PGGT1B: variants seen among roughly 807,000 people sequenced by gnomAD.
PGGT1B encodes geranylgeranyl transferase type-1 subunit beta.
PGGT1B carries 30 observed loss-of-function variants against 46.1 expected under a neutral mutation model. That is an observed-to-expected ratio of 0.65 (90% confidence interval 0.49 to 0.88). The LOEUF (loss-of-function observed/expected upper bound fraction) is 0.88. PGGT1B is among the 40% of genes least tolerant of loss of function. The pLI is 0.00. For missense variants in PGGT1B, 376 were observed against 455.9 expected, an observed-to-expected ratio of 0.82 and a Z score of 1.60; for synonymous variants, 170 against 160.0, an observed-to-expected ratio of 1.06 and a Z score of -0.47.
At chr5:115,235,056 A>C (rs1757134182) in intron 5 of PGGT1B, among the ~76,000 whole-genome samples, 2 of 152,004 alleles carry the variant, frequency 1.3e-5, no homozygotes, top group South Asian at 4.1e-4. Flanking sequence ...TCCAGAGCTG[A>C]GGATGGAAAA....
At chr5:115,226,709 G>C (rs1756795551) in intron 6 of PGGT1B, among the ~76,000 whole-genome samples, 1 of 151,838 alleles carries the variant, frequency 6.6e-6, no homozygotes, top group South Asian at 2.1e-4. Context: ...ATTGTACAAG[G>C]GCATATGGAA....
In PGGT1B at chr5:115,262,537, T is replaced by G. The variant is rs140909978; in HGVS notation, c.140+175A>C. On this transcript the variant is annotated intron_variant, in intron 1 of 8. Coordinates refer to ENST00000419445, the MANE Select transcript of PGGT1B (RefSeq NM_005023.4). ...CCCTCGACCTACAGCCTTCCAGACC[T>G]TCCCACCGTACGGCGGGAGAGTGGG... 1.3e-5 allele frequency: 9 copies of G among 684,760 alleles called. No homozygotes were observed. In the Admixed American group the frequency reaches 2.3e-4, roughly 18 times the overall value. The allele number at this position is 684,760 out of a possible 1,614,324, so 42.4% of individuals were successfully genotyped here. A position where few individuals can be genotyped will look rare whatever the true frequency, so the allele number is the denominator to read the frequency against.
intron 1 of PGGT1B, among the ~76,000 whole-genome samples, chr5:115,259,497 G>A (rs902960981): frequency 2.0e-5 from 3 of 152,024 alleles, no homozygotes; most frequent in Non-Finnish European, 4.4e-5. Flanking sequence ...AGACCATCCT[G>A]GCCAACATGG....
At position 115,205,170 on chromosome 5, in the gene PGGT1B, C is replaced by G. The variant is rs868785319; in HGVS notation, c.*7232G>C. On this transcript the variant is annotated 3_prime_UTR_variant, in exon 9 of 9. Transcript: ENST00000419445. The stretch of plus-strand genomic sequence containing the variant: ...AATGAGAGGGAAATTGGCTTTGAGC[C>G]TAAATTCATAATCTTTTACTTTTTC... 4 of 152,108 alleles carry G rather than the reference C, an allele frequency of 2.6e-5. No individual in the cohort carries two copies. Among genetic ancestry groups the G allele is most frequent in the African/African-American group, 9.7e-5 (4 of 41,442 alleles). 9.4% of individuals were successfully genotyped at this position (152,108 alleles called of 1,614,324 possible). A position where few individuals can be genotyped will look rare whatever the true frequency, so the allele number is the denominator to read the frequency against.
intron 1 of PGGT1B, among the ~76,000 whole-genome samples, chr5:115,262,174 A>G (rs1748585323): frequency 1.3e-5 from 2 of 152,180 alleles, no homozygotes; most frequent in Admixed American, 1.3e-4. Flanking sequence ...CTCTTCAGCT[A>G]TTGCGATACT....
intron 1 of PGGT1B, among the ~76,000 whole-genome samples, chr5:115,254,944 G>T (rs990599852): frequency 6.6e-6 from 1 of 152,054 alleles, no homozygotes; most frequent in African/African-American, 2.4e-5. Flanking sequence ...TCCTTTATGT[G>T]GGAAGCAGTG....
chr5:115,212,660 T>C (rs1368979076), intron 8 of PGGT1B, 77 bp from the exon 9 acceptor site: 2 of 948,420 alleles, frequency 2.1e-6, no homozygotes, highest in East Asian at 5.2e-5. Flanking sequence ...GCCACATATT[T>C]ACCAGCCCAT....
At chr5:115,234,724 G>T (rs1561477879) in intron 5 of PGGT1B, among the ~76,000 whole-genome samples, 1 of 151,944 alleles carries the variant, frequency 6.6e-6, no homozygotes, top group Non-Finnish European at 1.5e-5. Context: ...TAGGAGCCAG[G>T]ACTGCTTGTC....
At position 115,206,873 on chromosome 5, in the gene PGGT1B, C is replaced by G. The variant is rs1756081462; in HGVS notation, c.*5529G>C. On this transcript the variant is annotated 3_prime_UTR_variant, in exon 9 of 9. Coordinates refer to ENST00000419445, the MANE Select transcript of PGGT1B (RefSeq NM_005023.4). ...ATGGCTGGTCCCCTCTAATTCTTTTCAGTTTCCATGGTTATTCTAGTATGT... is the reference window on the plus strand; with the variant it reads ...ATGGCTGGTCCCCTCTAATTCTTTTGAGTTTCCATGGTTATTCTAGTATGT... The G allele has an allele frequency of 6.6e-6, 1 of 151,690 alleles. No individual in the cohort carries two copies. Among genetic ancestry groups the G allele is most frequent in the African/African-American group, 2.4e-5 (1 of 41,338 alleles). 9.4% of individuals were successfully genotyped at this position (151,690 alleles called of 1,614,324 possible).
intron 1 of PGGT1B, among the ~76,000 whole-genome samples, chr5:115,256,135 T>A (rs1408423630): frequency 1.3e-5 from 2 of 152,162 alleles, no homozygotes; most frequent in African/African-American, 2.4e-5. Flanking sequence ...GACCCTAACA[T>A]AATATATCAT....
At chr5:115,235,461 T>C (rs1757152354) in intron 5 of PGGT1B, among the ~76,000 whole-genome samples, 1 of 152,068 alleles carries the variant, frequency 6.6e-6, no homozygotes, top group East Asian at 1.9e-4. Flanking sequence ...AGATATTCGG[T>C]AATTACAAAG....
chr5:115,212,626 T>C, intron 8 of PGGT1B, 43 bp from the exon 9 acceptor site: 1 of 1,324,474 alleles, frequency 7.6e-7, no homozygotes, highest in Non-Finnish European at 1.1e-6. Flanking sequence ...GCATTCTTAC[T>C]TGTACATTCT....
chr5:115,246,226 C>G (rs745928678), intron 2 of PGGT1B, among the ~76,000 whole-genome samples: 4 of 151,916 alleles, frequency 2.6e-5, no homozygotes, highest in African/African-American at 4.8e-5. Context: ...TGTGGTGGAG[C>G]ACACCTTTAG....
intron 1 of PGGT1B, among the ~76,000 whole-genome samples, chr5:115,259,641 A>T (rs2127037359): frequency 7.4e-6 from 1 of 136,012 alleles, no homozygotes; most frequent in African/African-American, 2.8e-5. Flanking sequence ...GTGAGGAGAG[A>T]TGGTGCCACC....
intron 7 of PGGT1B, among the ~76,000 whole-genome samples, chr5:115,217,404 C>T (rs1239368954): frequency 6.6e-6 from 1 of 151,946 alleles, no homozygotes; most frequent in African/African-American, 2.4e-5. Context: ...AAATTACTAA[C>T]CAGATGCTAC....
intron 2 of PGGT1B, among the ~76,000 whole-genome samples, chr5:115,245,981 G>A (rs749461230): frequency 2.0e-5 from 3 of 152,112 alleles, no homozygotes; most frequent in Non-Finnish European, 2.9e-5. Flanking sequence ...ACTAAATTGA[G>A]TTATCAGTCA....
chr5:115,251,487 T>C (rs572387235), intron 2 of PGGT1B, among the ~76,000 whole-genome samples: 1 of 151,990 alleles, frequency 6.6e-6, no homozygotes, highest in East Asian at 1.9e-4. Context: ...GACCAAAAAA[T>C]TGCTCAATTA....
chr5:115,217,924 C>T (rs1756470366), intron 7 of PGGT1B, among the ~76,000 whole-genome samples: 1 of 151,860 alleles, frequency 6.6e-6, no homozygotes, highest in African/African-American at 2.4e-5. Flanking sequence ...TAGCAATAAA[C>T]AATATTTTCA....
intron 2 of PGGT1B, among the ~76,000 whole-genome samples, chr5:115,248,758 C>T (rs765972316): frequency 4.6e-5 from 7 of 152,104 alleles, no homozygotes; most frequent in Admixed American, 1.3e-4. Context: ...GATGTCAATC[C>T]GATTCTATCT....
Sources: gnomAD v4.1 joint callset for allele counts (sites outside exome capture counted in the v4.1 genomes callset) on GRCh38, gnomAD v4.1.1 for gene constraint, MANE v1.5 for transcripts, NCBI Gene and HGNC (gene_info 2026-07-23, HGNC 2026-07-21) for gene names.